The following UGT2B4 variants were observed in gnomAD, a reference collection of about 807,000 sequenced individuals.
The protein encoded by UGT2B4 is UDP-glucuronosyltransferase 2B4.
In UGT2B4, 49 loss-of-function variants were observed where a neutral mutation model predicts 49.8. That is an observed-to-expected ratio of 0.98 (90% CI 0.78 to 1.25). UGT2B4 has a LOEUF of 1.25. Among genes scored for constraint, UGT2B4 ranks in the 50% most tolerant of loss-of-function variants. The probability of loss-of-function intolerance (pLI) is 0.00; values close to 1 mark genes in which losing one functional copy is unlikely to be tolerated. For synonymous variants in UGT2B4, 246 were observed against 217.7 expected (o/e 1.13, Z -1.14); for missense variants, 729 against 627.7 (o/e 1.16, Z -1.73).
chr4:69,486,444 A>G lies in UGT2B4; in HGVS notation c.1090+165T>C, dbSNP rs554414334. The G allele has an allele frequency of 4.8e-5, 19 of 398,746 alleles. No homozygotes were observed. In the East Asian group the frequency reaches 9.0e-4, roughly 19 times the overall value. The allele number at this position is 398,746 out of a possible 1,614,324, so 24.7% of individuals were successfully genotyped here. A position where few individuals can be genotyped will look rare whatever the true frequency, so the allele number is the denominator to read the frequency against. ...TGTGGGTGCATATCATAAAATGCCAACAATTTATTCTTTTCCCCCGGGACT... is the reference window on the plus strand; with the variant it reads ...TGTGGGTGCATATCATAAAATGCCAGCAATTTATTCTTTTCCCCCGGGACT... On this transcript the variant is annotated intron_variant, in intron 4 of 5. Coordinates refer to ENST00000305107, the MANE Select transcript of UGT2B4 (RefSeq NM_021139.3).
At chr4:69,514,426 C>T (rs1296397672) in intron 1 of UGT2B4, among the ~76,000 whole-genome samples, 2 of 152,180 alleles carry the variant, frequency 1.3e-5, no homozygotes, top group East Asian at 3.9e-4. Flanking sequence ...GTGACTTCCT[C>T]TCTTCCTATT....
chr4:69,492,918 A>G (rs979458684), intron 2 of UGT2B4, among the ~76,000 whole-genome samples: 5 of 152,086 alleles, frequency 3.3e-5, no homozygotes, highest in Non-Finnish European at 7.4e-5. Flanking sequence ...TAATCCATCG[A>G]ACATCTTGGA....
upstream of UGT2B4, among the ~76,000 whole-genome samples, chr4:69,500,630 A>C (rs370500217): frequency 0.012 from 1,588 of 135,008 alleles, 25 homozygotes; most frequent in East Asian, 0.041. Context: ...AGAAAGAAAG[A>C]AAGAAAGAAA....
At chr4:69,519,703 A>T (rs1728804670) in intron 1 of UGT2B4, among the ~76,000 whole-genome samples, 1 of 152,238 alleles carries the variant, frequency 6.6e-6, no homozygotes, top group Non-Finnish European at 1.5e-5. Context: ...ACCCTAAAAC[A>T]GTTCTGTTGA....
chr4:69,518,951 A>T (rs529115589), intron 1 of UGT2B4, among the ~76,000 whole-genome samples: 18 of 152,338 alleles, frequency 1.2e-4, no homozygotes, highest in African/African-American at 4.1e-4. Context: ...AATGCTGTTG[A>T]CTTATGAGGT....
intron 2 of UGT2B4, among the ~76,000 whole-genome samples, chr4:69,490,924 G>A (rs947988796): frequency 1.3e-5 from 2 of 151,920 alleles, no homozygotes; most frequent in Non-Finnish European, 2.9e-5. Flanking sequence ...TCCCTAAAGG[G>A]GATTCATTAT....
rs185495830 is a variant in UGT2B4, at chr4:69,495,194, C to A, written c.668G>T (p.Trp223Leu). The A allele has an allele frequency of 3.2e-3, 5,126 of 1,588,394 alleles. 21 individuals are homozygous for A. Among genetic ancestry groups the A allele is most frequent in the Non-Finnish European group, 4.0e-3 (4,700 of 1,171,068 alleles). ...CTTCTTCATGTCAAATATTTGGAAC[C>A]AAAATTCAAAATAAAGCACATAGAT... ...NMIYVLYFEFWFQIFDMKKWD... is the reference protein window; with the variant it reads ...NMIYVLYFEFLFQIFDMKKWD... Residue 223 changes from tryptophan (W) to leucine (L), a missense_variant, in exon 1 of 6, where the codon TGG becomes TTG. By Grantham distance (61) the Trp-to-Leu change is moderately conservative. Coordinates refer to ENST00000305107, the MANE Select transcript of UGT2B4 (RefSeq NM_021139.3).
At chr4:69,488,145 A>G (rs1727849913) in intron 3 of UGT2B4, among the ~76,000 whole-genome samples, 1 of 152,218 alleles carries the variant, frequency 6.6e-6, no homozygotes, top group Non-Finnish European at 1.5e-5. Context: ...TTTGACACAA[A>G]TTCAGAGTAT....
intron 1 of UGT2B4, among the ~76,000 whole-genome samples, chr4:69,517,164 G>A (rs769695747): frequency 3.3e-5 from 5 of 151,954 alleles, no homozygotes; most frequent in Admixed American, 2.0e-4. Context: ...ATATTCTACT[G>A]TATTTTGCTC....
At chr4:69,481,004 C>CACCCAAAA in intron 5 of UGT2B4, 94 bp from the exon 6 acceptor site, 2 of 1,330,596 alleles carry the variant, frequency 1.5e-6, no homozygotes, top group Non-Finnish European at 2.0e-6. Context: ...TTTCCGAGGT[C>CACCCAAAA]GAGGCGGGCG....
At chr4:69,522,765 C>T (rs1728877681) in intron 1 of UGT2B4, among the ~76,000 whole-genome samples, 1 of 152,124 alleles carries the variant, frequency 6.6e-6, no homozygotes, top group Non-Finnish European at 1.5e-5. Flanking sequence ...AAAGAGTTCT[C>T]TTTAGCATGC....
chr4:69,481,697 G>A (rs1438160558), intron 5 of UGT2B4, among the ~76,000 whole-genome samples: 1 of 152,062 alleles, frequency 6.6e-6, no homozygotes, highest in African/African-American at 2.4e-5. Context: ...TCTCCAGCAG[G>A]CGTATAAAAT....
At chr4:69,499,659 T>G (rs527789617), upstream of UGT2B4, among the ~76,000 whole-genome samples, 15 of 152,342 alleles carry the variant, frequency 9.8e-5, no homozygotes, top group East Asian at 1.7e-3. Flanking sequence ...TTAAAGTCTC[T>G]TTTGTCAGAA....
chr4:69,482,043 C>G (rs1560430579), intron 5 of UGT2B4, among the ~76,000 whole-genome samples: 1 of 152,168 alleles, frequency 6.6e-6, no homozygotes, highest in African/African-American at 2.4e-5. Flanking sequence ...TCCACTTTCC[C>G]ATGCACACTA....
At chr4:69,512,977 A>G (rs1419173581) in intron 1 of UGT2B4, among the ~76,000 whole-genome samples, 2 of 152,072 alleles carry the variant, frequency 1.3e-5, no homozygotes, top group Non-Finnish European at 2.9e-5. Flanking sequence ...TAGAATCTGG[A>G]TATGAGAACT....
intron 1 of UGT2B4, among the ~76,000 whole-genome samples, chr4:69,507,824 A>G (rs1177368565): frequency 1.3e-5 from 2 of 152,242 alleles, no homozygotes; most frequent in Non-Finnish European, 1.5e-5. Flanking sequence ...CGAAACTCCA[A>G]AAGCAATTAC....
At chr4:69,524,555 G>GGT (rs1728928780) in intron 1 of UGT2B4, among the ~76,000 whole-genome samples, 1 of 151,458 alleles carries the variant, frequency 6.6e-6, no homozygotes, top group African/African-American at 2.4e-5. Flanking sequence ...CTCAACATAA[G>GGT]GAATATAGCA....
chr4:69,486,839 A>T, intron 3 of UGT2B4, 143 bp from the exon 4 acceptor site: 1 of 498,762 alleles, frequency 2.0e-6, no homozygotes, highest in Non-Finnish European at 3.5e-6. Context: ...TAGAATACTC[A>T]TATTTCATTT....
At chr4:69,523,998 T>G (rs6836432) in intron 1 of UGT2B4, among the ~76,000 whole-genome samples, 89,279 of 151,958 alleles carry the variant, frequency 0.59, 26,972 homozygotes, top group East Asian at 0.74. Context: ...CCTCAACATA[T>G]TTCAGGCTTC....
Sources: allele counts gnomAD v4.1 joint callset (sites outside exome capture counted in the v4.1 genomes callset), GRCh38; gene constraint gnomAD v4.1.1; transcripts MANE v1.5; gene names NCBI Gene and HGNC (gene_info 2026-07-23, HGNC 2026-07-21).